The following TRAPPC14 variants were observed in gnomAD, a reference collection of about 807,000 sequenced individuals.
The protein encoded by TRAPPC14 is microtubule associated protein 11.
Under a neutral mutation model 56.6 loss-of-function variants are expected in TRAPPC14, and 24 were observed. The observed-to-expected ratio is 0.42, with a 90% CI of 0.31 to 0.60. The LOEUF (loss-of-function observed/expected upper bound fraction) is 0.60, where lower values mean the gene tolerates loss of function less well. Ranked by LOEUF, TRAPPC14 falls within the 20% of genes least tolerant of loss-of-function variation. The pLI is 0.14. For synonymous variants in TRAPPC14, 377 were observed against 347.0 expected, an observed-to-expected ratio of 1.09 and a Z score of -0.96; for missense variants, 615 against 790.3, an observed-to-expected ratio of 0.78 and a Z score of 2.66.
chr7:100,157,414 C>T lies in TRAPPC14; in HGVS notation c.683G>A (p.Arg228Gln), dbSNP rs1026989155. 4 of 1,613,916 alleles carry T rather than the reference C, an allele frequency of 2.5e-6. No homozygotes were observed. Among genetic ancestry groups the T allele is most frequent in the Non-Finnish European group, 3.4e-6 (4 of 1,180,034 alleles). Residue 228 changes from arginine to glutamine, a missense_variant, in exon 4 of 11, where the codon CGG becomes CAG. By Grantham distance (43) the Arg-to-Gln change is conservative (BLOSUM62 1). Transcript: ENST00000316937. ...TLLPPPVLRC[R>Q]QFTVAGKHLT... ...GTGTTTTCCAGCCACAGTGAACTGCCGGCATCTCAGAACCGGAGGGGGCAG... is the reference window on the plus strand; with the variant it reads ...GTGTTTTCCAGCCACAGTGAACTGCTGGCATCTCAGAACCGGAGGGGGCAG...
At position 100,157,591 on chromosome 7, in the gene TRAPPC14, T is replaced by C. The variant is rs772090551; in HGVS notation, c.637+42A>G. 8 of 1,610,636 alleles carry C rather than the reference T, an allele frequency of 5.0e-6. No individual in the cohort carries two copies. In the African/African-American group the frequency reaches 9.3e-5, roughly 19 times the overall value. On this transcript the variant is annotated intron_variant, in intron 3 of 10. Transcript: ENST00000316937. ...GTGACCCCTCCCCTCTGTCCCCCAATTCCCAGACTCTAGCCCTTTGCCTCT... is the reference window on the plus strand; with the variant it reads ...GTGACCCCTCCCCTCTGTCCCCCAACTCCCAGACTCTAGCCCTTTGCCTCT...
Position 100,154,944 on chromosome 7 carries a change from G to T in TRAPPC14, c.*67C>A, listed in dbSNP as rs190814953. The T allele has an allele frequency of 6.9e-5, 107 of 1,551,434 alleles. 2 individuals are homozygous for T. In the East Asian group the frequency reaches 2.2e-3, roughly 33 times the overall value. On this transcript the variant is annotated 3_prime_UTR_variant, in exon 11 of 11. Transcript: ENST00000316937. The stretch of plus-strand genomic sequence containing the variant: ...GGCATCCCAGGGGAGGCACAGCCCG[G>T]GAGCAGGGATCCCCTCTGGGGGCGT...
At position 100,157,836 on chromosome 7, in the gene TRAPPC14, A is replaced by C. The variant is rs746058272; in HGVS notation, c.507+7T>G. The C allele has an allele frequency of 6.2e-7, 1 of 1,608,450 alleles. No homozygotes were observed. Among genetic ancestry groups the C allele is most frequent in the Non-Finnish European group, 8.5e-7 (1 of 1,176,172 alleles). ...TAGGACAATAGCTCCACTCTTGCTC[A>C]TCTTACCTTGGCCTTAGGTGTCCCT... is the stretch of plus-strand genomic sequence containing the variant. On this transcript the variant is annotated splice_region_variant and intron_variant, in intron 2 of 10. Transcript: ENST00000316937.
intron 9 of TRAPPC14, 92 bp from the exon 10 acceptor site, chr7:100,155,547 A>G: frequency 6.6e-7 from 1 of 1,504,822 alleles, no homozygotes; most frequent in South Asian, 1.3e-5. Context: ...ACTGATGTCA[A>G]ATCTAAATCC....
chr7:100,156,742 C>A, intron 6 of TRAPPC14, 26 bp from the exon 7 acceptor site: 1 of 1,604,148 alleles, frequency 6.2e-7, no homozygotes, highest in Non-Finnish European at 8.5e-7. Flanking sequence ...AGGGGGTTGG[C>A]ACAGGTATTA....
Position 100,155,010 on chromosome 7 carries a change from G to A in TRAPPC14, c.*1C>T. The A allele has an allele frequency of 1.2e-6, 2 of 1,614,062 alleles. No homozygotes were observed. Among genetic ancestry groups the A allele is most frequent in the South Asian group, 2.2e-5 (2 of 91,082 alleles). On this transcript the variant is annotated 3_prime_UTR_variant, in exon 11 of 11. Coordinates refer to ENST00000316937, the MANE Select transcript of TRAPPC14 (RefSeq NM_018275.5). ...TAAGAGGGAACAGAGCTGGCACGGT[G>A]CTACTTGACGGGTTCCACCACCAGG...
chr7:100,157,318 C>A (rs758795296), intron 4 of TRAPPC14, 55 bp downstream of exon 4: 1 of 1,608,482 alleles, frequency 6.2e-7, no homozygotes, highest in Non-Finnish European at 8.5e-7. Context: ...AGAGGAACTG[C>A]ATCCAATCAG....
Position 100,157,021 on chromosome 7 carries a change from T to C in TRAPPC14, c.846-29A>G, listed in dbSNP as rs776583711. The C allele has an allele frequency of 1.9e-6, 3 of 1,613,642 alleles. No homozygotes were observed. The African/African-American group carries it at 4.0e-5, about 22-fold the overall frequency. On this transcript the variant is annotated intron_variant, in intron 5 of 10. Transcript: ENST00000316937. Reference sequence around the variant, plus strand: ...GCTCAGAAAAGAGGACAAGGCATGGTCTCCCCATGCCAGAGCTCAGCCCCT... The same window carrying C: ...GCTCAGAAAAGAGGACAAGGCATGGCCTCCCCATGCCAGAGCTCAGCCCCT...
At chr7:100,157,290 T>C (rs1279305602) in intron 4 of TRAPPC14, 76 bp from the exon 5 acceptor site, 8 of 1,611,636 alleles carry the variant, frequency 5.0e-6, no homozygotes, top group Non-Finnish European at 6.8e-6. Flanking sequence ...AAACCGGACC[T>C]ACCCCACCAG....
rs759879655 is a variant in TRAPPC14 at position 100,157,108 on chromosome 7, C to T, written c.831G>A (p.Leu277=). 6.2e-7 allele frequency: 1 copy of T among 1,614,202 alleles called. No homozygotes were observed. The highest frequency in any genetic ancestry group is 1.1e-5 in the South Asian group (1 of 91,082). The change falls in exon 5 of 11, where the codon CTG becomes CTA. Residue 277 remains leucine (L), a synonymous_variant. Transcript: ENST00000316937. Reference sequence around the variant, plus strand: ...CAGGACCTCACCAGACATTGTCCACCAGCAGCACAGAGCCATCGGGCATGA... The same window carrying T: ...CAGGACCTCACCAGACATTGTCCACTAGCAGCACAGAGCCATCGGGCATGA... ...LPVMPDGSVL[L]VDNVCHQSGE...
chr7:100,157,197 G>C lies in TRAPPC14; in HGVS notation c.742C>G (p.Gln248Glu). ...ATATCCCAGATGGAGATTTCCTCCT[G>C]AGAGGAGCTGTTCAGCACTGTGGGA... ...TVLKVLNSSS[Q>E]EEISIWDIRI... The change falls in exon 5 of 11, where the codon CAG becomes GAG. Residue 248 changes from glutamine (Q) to glutamate (E), a missense_variant. Physicochemically the swap from Gln to Glu is conservative, Grantham distance 29. Coordinates refer to ENST00000316937, the MANE Select transcript of TRAPPC14 (RefSeq NM_018275.5). 1.2e-6 allele frequency: 2 copies of C among 1,614,172 alleles called. No homozygotes were observed. Among genetic ancestry groups the C allele is most frequent in the Non-Finnish European group, 1.7e-6 (2 of 1,180,028 alleles).
At position 100,158,663 on chromosome 7, in the gene TRAPPC14, C is replaced by G; in HGVS notation, c.-164G>C. 3.4e-6 allele frequency: 2 copies of G among 592,960 alleles called. No homozygotes were observed. 36.7% of individuals were successfully genotyped at this position (592,960 alleles called of 1,614,324 possible). A position where few individuals can be genotyped will look rare whatever the true frequency, so the allele number is the denominator to read the frequency against. On this transcript the variant is annotated 5_prime_UTR_variant, in exon 1 of 11. Coordinates refer to ENST00000316937, the MANE Select transcript of TRAPPC14 (RefSeq NM_018275.5). ...CGGCACCGGGGCAACGAACCCGAAC[C>G]GAGACCCGGCAGCGCCGGAACCGGG...
Position 100,157,383 on chromosome 7 carries a change from G to A in TRAPPC14, c.714C>T (p.Thr238=), listed in dbSNP as rs545207871. 6 of 1,613,958 alleles carry A rather than the reference G, an allele frequency of 3.7e-6. No homozygotes were observed. The East Asian group carries it at 6.7e-5, about 18-fold the overall frequency. Residue 238 remains threonine (T), a synonymous_variant, in exon 4 of 11, where the codon ACC becomes ACT. Coordinates refer to ENST00000316937, the MANE Select transcript of TRAPPC14 (RefSeq NM_018275.5). ...GGCAGCCCTGCTTACCCTTGAGCAC[G>A]GTCAAGTGTTTTCCAGCCACAGTGA... The part of the protein sequence containing the change: ...RQFTVAGKHL[T]VLKVLNSSSQ...
Position 100,155,664 on chromosome 7 carries a change from A to G in TRAPPC14, c.1395+7T>C. Reference sequence around the variant, plus strand: ...TCAGCACTCAGCCCAGACCCTCCCCAGCCCACCTCGAAGAGCCCCGTCCTC... The same window carrying G: ...TCAGCACTCAGCCCAGACCCTCCCCGGCCCACCTCGAAGAGCCCCGTCCTC... On this transcript the variant is annotated splice_region_variant and intron_variant, in intron 9 of 10. Coordinates refer to ENST00000316937, the MANE Select transcript of TRAPPC14 (RefSeq NM_018275.5). 1 of 1,594,888 alleles carries G rather than the reference A, an allele frequency of 6.3e-7. No individual in the cohort carries two copies. The highest frequency in any genetic ancestry group is 8.6e-7 in the Non-Finnish European group (1 of 1,169,032).
Position 100,155,013 on chromosome 7 carries a change from A to G in TRAPPC14, c.1741T>C (p.Ter581GlnextTer36). Residue 581 changes from the stop codon to glutamine, a stop_lost, in exon 11 of 11, where the codon TAG becomes CAG. Coordinates refer to ENST00000316937, the MANE Select transcript of TRAPPC14 (RefSeq NM_018275.5). Reference protein sequence around the residue: ...CKVLVVEPVK* With the variant: ...CKVLVVEPVKQ Reference sequence around the variant, plus strand: ...GAGGGAACAGAGCTGGCACGGTGCTACTTGACGGGTTCCACCACCAGGACC... The same window carrying G: ...GAGGGAACAGAGCTGGCACGGTGCTGCTTGACGGGTTCCACCACCAGGACC... The G allele has an allele frequency of 6.2e-7, 1 of 1,614,064 alleles. No individual in the cohort carries two copies. The highest frequency in any genetic ancestry group is 8.5e-7 in the Non-Finnish European group (1 of 1,179,946).
chr7:100,154,939 G>C lies in TRAPPC14; in HGVS notation c.*72C>G, dbSNP rs1798842382. 3.9e-6 allele frequency: 6 copies of C among 1,521,038 alleles called. No homozygotes were observed. Among genetic ancestry groups the C allele is most frequent in the Non-Finnish European group, 5.5e-6 (6 of 1,096,372 alleles). 94.2% of individuals were successfully genotyped at this position (1,521,038 alleles called of 1,614,324 possible). A position where few individuals can be genotyped will look rare whatever the true frequency, so the allele number is the denominator to read the frequency against. On this transcript the variant is annotated 3_prime_UTR_variant, in exon 11 of 11. Coordinates refer to ENST00000316937, the MANE Select transcript of TRAPPC14 (RefSeq NM_018275.5). ...TGGGAGGCATCCCAGGGGAGGCACA[G>C]CCCGGGAGCAGGGATCCCCTCTGGG...
Position 100,158,133 on chromosome 7 carries a change from G to C in TRAPPC14, c.367C>G (p.Leu123Val). 6.7e-7 allele frequency: 1 copy of C among 1,495,148 alleles called. No individual in the cohort carries two copies. The highest frequency in any genetic ancestry group is 1.4e-5 in the African/African-American group (1 of 70,538). The allele number at this position is 1,495,148 out of a possible 1,614,324, so 92.6% of individuals were successfully genotyped here. A position where few individuals can be genotyped will look rare whatever the true frequency, so the allele number is the denominator to read the frequency against. ...GGLFRGCSPLLTHGPGPATSG... is the reference protein window; with the variant it reads ...GGLFRGCSPLVTHGPGPATSG... ...GTAGCAGGGCCCGGGCCGTGGGTGAGAAGGGGGCTGCAGCCTCGGAACAAA... is the reference window on the plus strand; with the variant it reads ...GTAGCAGGGCCCGGGCCGTGGGTGACAAGGGGGCTGCAGCCTCGGAACAAA... The change falls in exon 1 of 11, where the codon CTC becomes GTC. Residue 123 changes from leucine to valine, a missense_variant. By Grantham distance (32) the Leu-to-Val change is conservative. Coordinates refer to ENST00000316937, the MANE Select transcript of TRAPPC14 (RefSeq NM_018275.5).
Position 100,154,915 on chromosome 7 carries a change from G to C in TRAPPC14, c.*96C>G. 1 of 1,262,880 alleles carries C rather than the reference G, an allele frequency of 7.9e-7. No individual in the cohort carries two copies. The highest frequency in any genetic ancestry group is 1.2e-6 in the Non-Finnish European group (1 of 865,710). The allele number at this position is 1,262,880 out of a possible 1,614,324, so 78.2% of individuals were successfully genotyped here. On this transcript the variant is annotated 3_prime_UTR_variant, in exon 11 of 11. Transcript: ENST00000316937. ...CTGCCAGGCCTCTTCACCCCCGTCT[G>C]GGAGGCATCCCAGGGGAGGCACAGC...
chr7:100,158,065 G>C (rs182218027), intron 1 of TRAPPC14, 24 bp downstream of exon 1: 3 of 1,436,836 alleles, frequency 2.1e-6, no homozygotes, highest in Non-Finnish European at 2.8e-6. Context: ...TCCGTCCTGT[G>C]CCAGGTCCCC....
Sources: allele counts gnomAD v4.1 joint callset, GRCh38; gene constraint gnomAD v4.1.1; transcripts MANE v1.5; gene names NCBI Gene and HGNC (gene_info 2026-07-23, HGNC 2026-07-21).